Variants in TLK1 observed in about 807,000 individuals in gnomAD.
TLK1 encodes the protein serine/threonine-protein kinase tousled-like 1.
TLK1 carries 24 observed loss-of-function variants against 105.3 expected under a neutral mutation model. The ratio of observed to expected loss-of-function variants is 0.23; its 90% CI spans 0.17 to 0.32. The LOEUF (loss-of-function observed/expected upper bound fraction) is 0.32, where lower values mean the gene tolerates loss of function less well. TLK1 is among the 10% of genes least tolerant of loss of function. The pLI is 1.00. For missense variants in TLK1, 558 were observed against 910.5 expected (o/e 0.61, Z 4.98); for synonymous variants, 321 against 310.4 (o/e 1.03, Z -0.36).
rs543828883 is a variant in TLK1, at chr2:171,150,524, AC to A, written c.139+9765del. Among the ~76,000 whole-genome samples the A allele has an allele frequency of 7.0e-4, 107 of 152,324 alleles. No individual in the cohort carries two copies. The Middle Eastern group carries it at 0.014, about 19-fold the overall frequency. ...CCTAACCACAGCCACCACAGTGGCTACCCTTGCTGTAGCTCATCTCCCAGGT... is the reference window on the plus strand; with the variant it reads ...CCTAACCACAGCCACCACAGTGGCTACCTTGCTGTAGCTCATCTCCCAGGT... On this transcript the variant is annotated intron_variant, in intron 1 of 20. Transcript: ENST00000431350.
chr2:171,122,489 C>T (rs1690693609), intron 1 of TLK1, among the ~76,000 whole-genome samples: 1 of 152,034 alleles, frequency 6.6e-6, no homozygotes, highest in Non-Finnish European at 1.5e-5. Flanking sequence ...TAACAAGATC[C>T]CCAGTAATTA....
chr2:171,216,178 T>A (rs1451026491), intron 1 of TLK1, among the ~76,000 whole-genome samples: 1 of 152,076 alleles, frequency 6.6e-6, no homozygotes, highest in Non-Finnish European at 1.5e-5. Context: ...ACCACTATGC[T>A]GCCTTAAAAA....
At chr2:171,189,179 T>C (rs1693094978) in intron 1 of TLK1, among the ~76,000 whole-genome samples, 1 of 151,190 alleles carries the variant, frequency 6.6e-6, no homozygotes, top group Admixed American at 6.6e-5. Context: ...TTTTTTTTTT[T>C]TTTTTGAGAT....
chr2:171,185,010 T>G (rs190908482), intron 1 of TLK1, among the ~76,000 whole-genome samples: 169 of 152,206 alleles, frequency 1.1e-3, no homozygotes, highest in Non-Finnish European at 1.9e-3. Flanking sequence ...AGCTAATTTT[T>G]TGCATTTTTT....
intron 1 of TLK1, among the ~76,000 whole-genome samples, chr2:171,195,846 C>G (rs543269021): frequency 3.4e-4 from 52 of 151,870 alleles, no homozygotes; most frequent in African/African-American, 9.6e-4. Flanking sequence ...GTCAGGAGTT[C>G]GAGGCCAGCC....
At chr2:171,163,580 G>A (rs1171273538), upstream of TLK1, among the ~76,000 whole-genome samples, 1 of 152,138 alleles carries the variant, frequency 6.6e-6, no homozygotes, top group Non-Finnish European at 1.5e-5. Context: ...GTCACTGAGT[G>A]ATTTTTAAAG....
intron 4 of TLK1, among the ~76,000 whole-genome samples, chr2:171,059,080 G>A (rs913345874): frequency 6.6e-6 from 1 of 152,100 alleles, no homozygotes; most frequent in African/African-American, 2.4e-5. Flanking sequence ...AAGGTGGGGG[G>A]AATTTTTAAA....
chr2:171,103,643 T>G (rs976233127), intron 2 of TLK1, among the ~76,000 whole-genome samples: 7 of 152,230 alleles, frequency 4.6e-5, no homozygotes, highest in Non-Finnish European at 1.0e-4. Flanking sequence ...GGATGTTTCT[T>G]GTTAACAGCC....
In TLK1 at chr2:171,160,783, T is replaced by G. The variant is rs1692463285; in HGVS notation, c.-355A>C. 1 of 400,936 alleles carries G rather than the reference T, an allele frequency of 2.5e-6. No homozygotes were observed. The highest frequency in any genetic ancestry group is 2.1e-5 in the African/African-American group (1 of 46,784). The allele number at this position is 400,936 out of a possible 1,614,324, so 24.8% of individuals were successfully genotyped here. A position where few individuals can be genotyped will look rare whatever the true frequency, so the allele number is the denominator to read the frequency against. ...GCGGGCTGCGCCGGCCGAGGACACT[T>G]CCGCGGGCGGAACCTGCCGGCACCT... On this transcript the variant is annotated 5_prime_UTR_variant, in exon 1 of 21. Coordinates refer to ENST00000431350, the MANE Select transcript of TLK1 (RefSeq NM_012290.5). The surrounding 1 kb of genome is among the most constrained non-coding windows in gnomAD (Gnocchi z 4.4).
intron 3 of TLK1, among the ~76,000 whole-genome samples, chr2:171,068,555 TTTTA>T (rs1688119010): frequency 6.6e-6 from 1 of 152,206 alleles, no homozygotes; most frequent in Admixed American, 6.5e-5. Context: ...TTTATAAAGC[TTTTA>T]TTTAAAGCTT....
At chr2:171,109,203 G>T (rs542917546) in intron 2 of TLK1, among the ~76,000 whole-genome samples, 1 of 152,276 alleles carries the variant, frequency 6.6e-6, no homozygotes, top group South Asian at 2.1e-4. Flanking sequence ...TATTAGATAT[G>T]AAATGTTTCT....
chr2:170,993,700 A>T lies in TLK1; in HGVS notation c.*80T>A. ...AAAAAAAAAAAAAAAAGAAAAAGAA[A>T]ACAAACACTCAAATGCTCTCAAACT... On this transcript the variant is annotated 3_prime_UTR_variant, in exon 21 of 21. Coordinates refer to ENST00000431350, the MANE Select transcript of TLK1 (RefSeq NM_012290.5). 8.5e-7 allele frequency: 1 copy of T among 1,181,764 alleles called. No individual in the cohort carries two copies. The highest frequency in any genetic ancestry group is 1.1e-6 in the Non-Finnish European group (1 of 882,838). The allele number at this position is 1,181,764 out of a possible 1,614,324, so 73.2% of individuals were successfully genotyped here. A position where few individuals can be genotyped will look rare whatever the true frequency, so the allele number is the denominator to read the frequency against.
At chr2:171,173,639 C>G (rs140538994) in intron 1 of TLK1, among the ~76,000 whole-genome samples, 15 of 152,174 alleles carry the variant, frequency 9.9e-5, no homozygotes, top group South Asian at 4.2e-4. Flanking sequence ...GCATCCTCCC[C>G]GCTCGGCTTC....
chr2:171,037,501 A>C (rs1223907622), intron 11 of TLK1, among the ~76,000 whole-genome samples: 1 of 151,842 alleles, frequency 6.6e-6, no homozygotes, highest in Non-Finnish European at 1.5e-5. Flanking sequence ...ATACTCAAGC[A>C]AAAGTAAAAA....
intron 1 of TLK1, among the ~76,000 whole-genome samples, chr2:171,135,313 GTGTGTGTATATATATATA>G (rs997846765): frequency 2.0e-4 from 11 of 55,138 alleles, no homozygotes; most frequent in Middle Eastern, 0.019. Flanking sequence ...TTGTGTGTGT[GTGTGTGTATATATATATA>G]TATATATATA....
At chr2:170,998,398 T>C (rs945481529) in intron 18 of TLK1, among the ~76,000 whole-genome samples, 2 of 152,190 alleles carry the variant, frequency 1.3e-5, no homozygotes, top group Non-Finnish European at 2.9e-5. Flanking sequence ...TCCCCCACCC[T>C]AACCCGCCAA....
intron 3 of TLK1, among the ~76,000 whole-genome samples, chr2:171,069,643 T>C (rs745901161): frequency 6.6e-6 from 1 of 152,196 alleles, no homozygotes; most frequent in Non-Finnish European, 1.5e-5. Context: ...CTTGCTTTGA[T>C]GAACACATTA....
At chr2:170,995,322 G>A (rs1320197637) in intron 20 of TLK1, among the ~76,000 whole-genome samples, 1 of 151,822 alleles carries the variant, frequency 6.6e-6, no homozygotes, top group Non-Finnish European at 1.5e-5. Flanking sequence ...AGAATATAGA[G>A]ATATTATATA....
intron 12 of TLK1, among the ~76,000 whole-genome samples, chr2:171,021,486 T>C (rs1685504360): frequency 7.1e-6 from 1 of 140,268 alleles, no homozygotes; most frequent in Non-Finnish European, 1.5e-5. Context: ...AGACAAGATT[T>C]CCAACTCCTG....
Sources: allele counts gnomAD v4.1 joint callset (sites outside exome capture counted in the v4.1 genomes callset), GRCh38; gene constraint gnomAD v4.1.1; non-coding constraint Gnocchi (gnomAD v3.1); transcripts MANE v1.5; gene names NCBI Gene and HGNC (gene_info 2026-07-23, HGNC 2026-07-21).